The following SLCO1B1 variants were observed in gnomAD, a reference collection of about 807,000 sequenced individuals.
SLCO1B1 encodes OATP-2.
SLCO1B1 carries 81 observed loss-of-function variants against 70.1 expected under a neutral mutation model. The observed-to-expected ratio is 1.16, with a 90% CI of 0.97 to 1.39. The LOEUF is 1.39. Ranked by LOEUF, SLCO1B1 falls within the 40% of genes most tolerant of loss-of-function variation. SLCO1B1 has a pLI of 0.00. For synonymous variants in SLCO1B1, 283 were observed against 271.5 expected (o/e 1.04, Z -0.42); for missense variants, 895 against 799.6 (o/e 1.12, Z -1.44).
At chr12:21,221,894 C>T (rs1460502662) in intron 12 of SLCO1B1, among the ~76,000 whole-genome samples, 1 of 151,932 alleles carries the variant, frequency 6.6e-6, no homozygotes, top group Non-Finnish European at 1.5e-5. Flanking sequence ...CCCAGCAATC[C>T]AACTATTGGA....
chr12:21,200,591 T>C lies in SLCO1B1; in HGVS notation c.1054T>C (p.Tyr352His). The C allele has an allele frequency of 6.2e-7, 1 of 1,611,348 alleles. No homozygotes were observed. The highest frequency in any genetic ancestry group is 8.5e-7 in the Non-Finnish European group (1 of 1,178,052). The change falls in exon 9 of 15, where the codon TAT (tyrosine) becomes CAT (histidine). Residue 352 changes from tyrosine to histidine, a missense_variant. Tyr to His is a moderately conservative substitution (Grantham distance 83). Transcript: ENST00000256958. ...VLLTLLQVSS[Y>H]IGAFTYVFKY... Reference sequence around the variant, plus strand: ...TTTGACGTTGTTACAAGTAAGCAGCTATATTGGTGCTTTTACTTATGTCTT... The same window carrying C: ...TTTGACGTTGTTACAAGTAAGCAGCCATATTGGTGCTTTTACTTATGTCTT...
At chr12:21,132,623 A>T (rs1462331887) in intron 1 of SLCO1B1, among the ~76,000 whole-genome samples, 1 of 152,138 alleles carries the variant, frequency 6.6e-6, no homozygotes, top group African/African-American at 2.4e-5. Flanking sequence ...TTTTGGCTGC[A>T]TAAATGTCTT....
intron 14 of SLCO1B1, among the ~76,000 whole-genome samples, chr12:21,226,181 A>C (rs7965941): frequency 6.6e-6 from 1 of 151,946 alleles, no homozygotes; most frequent in Admixed American, 6.6e-5. Context: ...TTGGGAGGCC[A>C]AGGTGGGAGG....
At chr12:21,210,717 G>A (rs961897504) in intron 11 of SLCO1B1, among the ~76,000 whole-genome samples, 5 of 147,944 alleles carry the variant, frequency 3.4e-5, no homozygotes, top group Non-Finnish European at 7.5e-5. Flanking sequence ...CCATTTGTTT[G>A]TATCCTCTTT....
At chr12:21,145,556 C>A (rs1295508920) in intron 2 of SLCO1B1, among the ~76,000 whole-genome samples, 1 of 138,780 alleles carries the variant, frequency 7.2e-6, no homozygotes, top group East Asian at 2.2e-4. Flanking sequence ...TAGGCTCAAG[C>A]AATCAGCCCG....
At chr12:21,220,339 T>A (rs1941408873) in intron 12 of SLCO1B1, among the ~76,000 whole-genome samples, 1 of 152,130 alleles carries the variant, frequency 6.6e-6, no homozygotes, top group Admixed American at 6.6e-5. Context: ...AGCCATAAAT[T>A]TTAGAGTCAG....
At chr12:21,143,597 A>G (rs1441383246) in intron 2 of SLCO1B1, among the ~76,000 whole-genome samples, 1 of 152,022 alleles carries the variant, frequency 6.6e-6, no homozygotes, top group African/African-American at 2.4e-5. Context: ...GAAAAAACCT[A>G]GATATAGACA....
At position 21,178,932 on chromosome 12, in the gene SLCO1B1, T is replaced by C. The variant is rs752897663; in HGVS notation, c.639T>C (p.Asn213=). 1 of 1,607,876 alleles carries C rather than the reference T, an allele frequency of 6.2e-7. No homozygotes were observed. The highest frequency in any genetic ancestry group is 8.5e-7 in the Non-Finnish European group (1 of 1,174,866). The change falls in exon 7 of 15, where the codon AAT becomes AAC. Residue 213 remains asparagine, a synonymous_variant. Coordinates refer to ENST00000256958, the MANE Select transcript of SLCO1B1 (RefSeq NM_006446.5). ...GHSSLYLGIL[N]AIAMIGPIIG... ...TTATAATATTTTCAGGTATATTGAA[T>C]GCAATAGCAATGATTGGTCCAATCA...
chr12:21,136,197 T>A (rs1310605702), intron 1 of SLCO1B1, among the ~76,000 whole-genome samples: 1 of 152,208 alleles, frequency 6.6e-6, no homozygotes, highest in Admixed American at 6.5e-5. Context: ...TGCCGAGAGA[T>A]CAGCTGTTAG....
chr12:21,133,192 A>G (rs1940166759), intron 1 of SLCO1B1, among the ~76,000 whole-genome samples: 1 of 151,906 alleles, frequency 6.6e-6, no homozygotes, highest in Admixed American at 6.6e-5. Context: ...ATTGGTCTAT[A>G]TCTCTGTTTT....
At chr12:21,222,205 A>C (rs774471770) in intron 12 of SLCO1B1, 95 bp from the exon 13 acceptor site, 4 of 474,864 alleles carry the variant, frequency 8.4e-6, no homozygotes, top group African/African-American at 8.2e-5. Flanking sequence ...GCTTAATTCT[A>C]TCATGGAGAA....
intron 7 of SLCO1B1, among the ~76,000 whole-genome samples, chr12:21,186,687 A>G (rs968249376): frequency 6.6e-6 from 1 of 152,082 alleles, no homozygotes; most frequent in Non-Finnish European, 1.5e-5. Context: ...GGAAAAAAAA[A>G]GGAAATTCAT....
At chr12:21,216,880 T>G (rs1941364194) in intron 11 of SLCO1B1, among the ~76,000 whole-genome samples, 1 of 152,190 alleles carries the variant, frequency 6.6e-6, no homozygotes, top group African/African-American at 2.4e-5. Context: ...CTTTGTTTCT[T>G]AGTTTTAAAA....
At chr12:21,222,633 T>C (rs1237135313) in intron 13 of SLCO1B1, among the ~76,000 whole-genome samples, 1 of 151,726 alleles carries the variant, frequency 6.6e-6, no homozygotes, top group East Asian at 1.9e-4. Flanking sequence ...GTCAATCTGT[T>C]AAGACTAAGG....
At chr12:21,193,308 C>G (rs894688652) in intron 7 of SLCO1B1, among the ~76,000 whole-genome samples, 1 of 152,062 alleles carries the variant, frequency 6.6e-6, no homozygotes, top group African/African-American at 2.4e-5. Context: ...TGAAGTCAGC[C>G]TACTATGGAG....
chr12:21,198,483 C>T (rs11045857), intron 8 of SLCO1B1, among the ~76,000 whole-genome samples: 1,543 of 151,998 alleles, frequency 0.01, 36 homozygotes, highest in South Asian at 0.039. Context: ...CTATAAGGAG[C>T]GGGGTTGACT....
intron 14 of SLCO1B1, among the ~76,000 whole-genome samples, chr12:21,227,143 C>T (rs145706850): frequency 2.6e-5 from 4 of 152,188 alleles, no homozygotes; most frequent in African/African-American, 9.6e-5. Flanking sequence ...AGATTACATA[C>T]ATGTGTATGG....
At chr12:21,149,918 C>A (rs897383856) in intron 2 of SLCO1B1, among the ~76,000 whole-genome samples, 3 of 152,126 alleles carry the variant, frequency 2.0e-5, no homozygotes, top group African/African-American at 7.2e-5. Flanking sequence ...GTGGATCCCA[C>A]CCCCATAGAG....
chr12:21,204,822 A>G (rs1941196155), intron 10 of SLCO1B1, among the ~76,000 whole-genome samples: 2 of 151,894 alleles, frequency 1.3e-5, no homozygotes, highest in African/African-American at 2.4e-5. Context: ...GTGTCCAGGC[A>G]TGGTGGATGG....
Sources: gnomAD v4.1 joint callset for allele counts (sites outside exome capture counted in the v4.1 genomes callset) on GRCh38, gnomAD v4.1.1 for gene constraint, MANE v1.5 for transcripts, NCBI Gene and HGNC (gene_info 2026-07-23, HGNC 2026-07-21) for gene names.